MCUR1: variants seen among roughly 807,000 people sequenced by gnomAD.
MCUR1 encodes mitochondrial calcium uniporter regulator 1, also known as MCU regulator 1.
In MCUR1, 37 loss-of-function variants were observed where a neutral mutation model predicts 42.0. The ratio of observed to expected loss-of-function variants is 0.88; its 90% CI spans 0.68 to 1.16. The LOEUF (loss-of-function observed/expected upper bound fraction) is 1.16. Ranked by LOEUF, MCUR1 falls within the 50% of genes most tolerant of loss-of-function variation. The probability of loss-of-function intolerance (pLI) is 0.00; values close to 1 mark genes in which losing one functional copy is unlikely to be tolerated. For synonymous variants in MCUR1, 229 were observed against 196.2 expected (o/e 1.17, Z -1.40); for missense variants, 469 against 468.4 (o/e 1.00, Z -0.01).
Position 13,814,211 on chromosome 6 carries a change from C to T in MCUR1, c.219G>A (p.Leu73=), listed in dbSNP as rs956712782. 3.0e-5 allele frequency: 43 copies of T among 1,447,728 alleles called. No homozygotes were observed. Among genetic ancestry groups the T allele is most frequent in the Non-Finnish European group, 2.3e-5 (26 of 1,108,492 alleles). 89.7% of individuals were successfully genotyped at this position (1,447,728 alleles called of 1,614,324 possible). A position where few individuals can be genotyped will look rare whatever the true frequency, so the allele number is the denominator to read the frequency against. ...VSRASPLLLL[L]LVPSPRLAAA... Reference sequence around the variant, plus strand: ...CGGCCAAGCGCGGGGAGGGCACTAGCAGGAGGAGGAGCAGCGGTGAGGCAC... The same window carrying T: ...CGGCCAAGCGCGGGGAGGGCACTAGTAGGAGGAGGAGCAGCGGTGAGGCAC... Residue 73 remains leucine (L), a synonymous_variant, in exon 1 of 9, where the codon CTG becomes CTA. Coordinates refer to ENST00000379170, the MANE Select transcript of MCUR1 (RefSeq NM_001031713.4).
At chr6:13,791,249 A>G (rs1339143536) in intron 8 of MCUR1, among the ~76,000 whole-genome samples, 1 of 152,212 alleles carries the variant, frequency 6.6e-6, no homozygotes. Context: ...GCCTAGGCTA[A>G]GAAAACTTTT....
rs80101676 is a variant in MCUR1 at position 13,805,840 on chromosome 6, A to G, written c.535+1085T>C. 7.3e-3 allele frequency among the ~76,000 whole-genome samples: 1,109 copies of G among 152,352 alleles called. 12 individuals carry two copies. The highest frequency in any genetic ancestry group is 0.025 in the African/African-American group (1,034 of 41,580). ...TAATCGGTGTATTTGTCTAAATATG[A>G]TTTAGTATGAGAATGTTCCCTACAT... On this transcript the variant is annotated intron_variant, in intron 2 of 8. Transcript: ENST00000379170.
In MCUR1 at chr6:13,788,499, A is replaced by C. The variant is rs1759654586; in HGVS notation, c.*2310T>G. ...GGAAGAACGACATGTGAGAAAACTT[A>C]TAGCAGATGCAAAAATGTCAACCCA... On this transcript the variant is annotated 3_prime_UTR_variant, in exon 9 of 9. Transcript: ENST00000379170. 6.6e-6 allele frequency: 1 copy of C among 152,248 alleles called. No homozygotes were observed. 9.4% of individuals were successfully genotyped at this position (152,248 alleles called of 1,614,324 possible). A position where few individuals can be genotyped will look rare whatever the true frequency, so the allele number is the denominator to read the frequency against.
At chr6:13,812,194 T>C (rs1760251659) in intron 1 of MCUR1, among the ~76,000 whole-genome samples, 1 of 152,092 alleles carries the variant, frequency 6.6e-6, no homozygotes, top group Non-Finnish European at 1.5e-5. Context: ...AAAGGTAGCC[T>C]TGGACAGGAT....
intron 6 of MCUR1, among the ~76,000 whole-genome samples, chr6:13,796,840 G>A (rs1759867724): frequency 6.6e-6 from 1 of 152,088 alleles, no homozygotes; most frequent in African/African-American, 2.4e-5. Flanking sequence ...TTTTTCCCAG[G>A]TTGGTTAGCT....
intron 6 of MCUR1, among the ~76,000 whole-genome samples, chr6:13,798,241 GCC>G (rs1759900402): frequency 6.6e-6 from 1 of 151,080 alleles, no homozygotes. Context: ...GATTACAGGT[GCC>G]CGCCACCATG....
At position 13,807,049 on chromosome 6, in the gene MCUR1, G is replaced by T. The variant is rs1357156365; in HGVS notation, c.416-5C>A. On this transcript the variant is annotated splice_region_variant and splice_polypyrimidine_tract_variant and intron_variant, in intron 1 of 8. Coordinates refer to ENST00000379170, the MANE Select transcript of MCUR1 (RefSeq NM_001031713.4). ...ATCCAGCAGACAAGCTTAGCTCTAG[G>T]GTGGAAAGGACAGTAAGCTCAAAAC... 2 of 1,601,190 alleles carry T rather than the reference G, an allele frequency of 1.2e-6. No individual in the cohort carries two copies. The highest frequency in any genetic ancestry group is 1.7e-6 in the Non-Finnish European group (2 of 1,172,644).
chr6:13,803,261 G>A (rs1168422541), intron 2 of MCUR1, among the ~76,000 whole-genome samples: 5 of 152,288 alleles, frequency 3.3e-5, no homozygotes, highest in South Asian at 2.1e-4. Context: ...AAGTTTCTCC[G>A]TGTTGGTCAG....
rs1372284108 is a variant in MCUR1, at chr6:13,791,928, A to T, written c.974T>A (p.Leu325His). 28 of 1,613,990 alleles carry T rather than the reference A, an allele frequency of 1.7e-5. No homozygotes were observed. The highest frequency in any genetic ancestry group is 2.4e-5 in the Non-Finnish European group (28 of 1,180,016). ...CTTGTGTGACTCAAGCATGGTTTTG[A>T]GGCCAGCAACCTCAGTTTCGATCTT... ...DRKIETEVAGLKTMLESHKLD... is the reference protein window; with the variant it reads ...DRKIETEVAGHKTMLESHKLD... Residue 325 changes from leucine (L) to histidine (H), a missense_variant, in exon 8 of 9, where the codon CTC becomes CAC. By Grantham distance (99) the Leu-to-His change is moderately conservative. Transcript: ENST00000379170.
intron 1 of MCUR1, among the ~76,000 whole-genome samples, chr6:13,813,062 T>C (rs972329060): frequency 4.6e-5 from 7 of 152,226 alleles, no homozygotes; most frequent in African/African-American, 1.2e-4. Context: ...TACCATTGTG[T>C]TCAGATTGCC....
chr6:13,806,386 C>T (rs565265585), intron 2 of MCUR1, among the ~76,000 whole-genome samples: 10 of 152,352 alleles, frequency 6.6e-5, no homozygotes, highest in Admixed American at 2.6e-4. Flanking sequence ...ACTATCACTT[C>T]TGTGCTTCAG....
intron 4 of MCUR1, 100 bp from the exon 5 acceptor site, chr6:13,800,482 T>C (rs1759967568): frequency 1.5e-6 from 1 of 666,234 alleles, no homozygotes; most frequent in Non-Finnish European, 2.6e-6. Context: ...CCTCAGGTTT[T>C]TCCTTCATTC....
intron 2 of MCUR1, among the ~76,000 whole-genome samples, chr6:13,806,367 A>C (rs1394561311): frequency 1.3e-5 from 2 of 152,282 alleles, no homozygotes; most frequent in African/African-American, 2.4e-5. Context: ...CAAGATGCAC[A>C]GTAATAAAAC....
intron 2 of MCUR1, among the ~76,000 whole-genome samples, chr6:13,804,773 G>A (rs1760079217): frequency 8.1e-6 from 1 of 122,898 alleles, no homozygotes; most frequent in African/African-American, 3.3e-5. Flanking sequence ...CTGGAAGACA[G>A]AGCCAGACTC....
intron 6 of MCUR1, among the ~76,000 whole-genome samples, chr6:13,796,351 G>C (rs1759855823): frequency 6.7e-6 from 1 of 148,756 alleles, no homozygotes. Context: ...GCAGTGGCGT[G>C]ATCTCGGCTC....
At chr6:13,804,011 T>A in intron 2 of MCUR1, 1 of 974,104 alleles carries the variant, frequency 1.0e-6, no homozygotes, top group Non-Finnish European at 1.2e-6. Flanking sequence ...AAAAAAAGAG[T>A]TCATGTTTAA....
chr6:13,813,398 A>G (rs945046450), intron 1 of MCUR1, among the ~76,000 whole-genome samples: 1 of 152,132 alleles, frequency 6.6e-6, no homozygotes, highest in African/African-American at 2.4e-5. Flanking sequence ...ATATATAAAA[A>G]TTATTTGTAT....
chr6:13,807,476 T>C (rs1166800379), intron 1 of MCUR1, among the ~76,000 whole-genome samples: 3 of 152,248 alleles, frequency 2.0e-5, no homozygotes, highest in Admixed American at 6.5e-5. Flanking sequence ...ATCCGTGTTG[T>C]AGCACGTCAG....
At chr6:13,802,460 T>C (rs999983611) in intron 2 of MCUR1, 114 bp from the exon 3 acceptor site, 6 of 757,894 alleles carry the variant, frequency 7.9e-6, no homozygotes, top group African/African-American at 1.7e-5. Flanking sequence ...CACAGTGTGG[T>C]AGGAGGCAGG....
Sources: gnomAD v4.1 joint callset for allele counts (sites outside exome capture counted in the v4.1 genomes callset) on GRCh38, gnomAD v4.1.1 for gene constraint, MANE v1.5 for transcripts, NCBI Gene and HGNC (gene_info 2026-07-23, HGNC 2026-07-21) for gene names.